Variants in P2RX3 observed in about 807,000 individuals in gnomAD.
P2RX3 encodes P2X purinoceptor 3.
A neutral mutation model predicts 51.5 loss-of-function variants in P2RX3; 41 were observed. That is an observed-to-expected ratio of 0.80 (90% CI 0.62 to 1.03). P2RX3 has a LOEUF of 1.03. Ranked by LOEUF, P2RX3 falls within the 50% of genes least tolerant of loss-of-function variation. P2RX3 has a pLI of 0.00. For missense variants in P2RX3, 459 were observed against 522.1 expected (o/e 0.88, Z 1.18); for synonymous variants, 185 against 191.6 (o/e 0.97, Z 0.29).
At chr11:57,366,759 G>A (rs970926436) in intron 8 of P2RX3, among the ~76,000 whole-genome samples, 1 of 152,140 alleles carries the variant, frequency 6.6e-6, no homozygotes, top group Non-Finnish European at 1.5e-5. Flanking sequence ...CTGCAGTCTC[G>A]GGCGCAGGGT....
intron 4 of P2RX3, 46 bp from the exon 5 acceptor site, chr11:57,348,124 G>C (rs763336487): frequency 4.0e-6 from 6 of 1,491,962 alleles, no homozygotes; most frequent in Non-Finnish European, 4.6e-6. Flanking sequence ...AAAGGGAGAG[G>C]AGCAAAGGGC....
At position 57,350,189 on chromosome 11, in the gene P2RX3, C is replaced by T. The variant is rs557427416; in HGVS notation, c.705+291C>T. The T allele has an allele frequency of 7.0e-6, 3 of 430,890 alleles. No individual in the cohort carries two copies. In the Admixed American group the frequency reaches 1.1e-4, roughly 15 times the overall value. The allele number at this position is 430,890 out of a possible 1,614,324, so 26.7% of individuals were successfully genotyped here. ...CCTTAGATCTGTAATAAGCCCCAAA[C>T]GACGGGAAAGTAGACCTGTGGCCAC... On this transcript the variant is annotated intron_variant, in intron 7 of 11. Coordinates refer to ENST00000263314, the MANE Select transcript of P2RX3 (RefSeq NM_002559.5).
intron 6 of P2RX3, 33 bp downstream of exon 6, chr11:57,348,737 G>T (rs1856489381): frequency 1.9e-6 from 3 of 1,548,806 alleles, no homozygotes; most frequent in Admixed American, 1.7e-5. Flanking sequence ...AAGCCAAGAT[G>T]CAGGCACCCC....
upstream of P2RX3, chr11:57,338,310 G>A: frequency 2.9e-6 from 1 of 342,536 alleles, no homozygotes; most frequent in South Asian, 7.2e-5. Flanking sequence ...ACAGGGGAGT[G>A]GAGTGGAGAC....
intron 1 of P2RX3, among the ~76,000 whole-genome samples, chr11:57,343,690 A>G (rs1327496865): frequency 1.3e-5 from 2 of 152,238 alleles, no homozygotes; most frequent in Admixed American, 1.3e-4. Context: ...GACGCAGGGC[A>G]GGGGCCTCAG....
intron 9 of P2RX3, 124 bp downstream of exon 9, chr11:57,368,226 G>A (rs956031382): frequency 1.5e-6 from 2 of 1,296,370 alleles, no homozygotes; most frequent in African/African-American, 2.9e-5. Context: ...ACCCTCAGTG[G>A]GTCACTCTCC....
At chr11:57,363,182 T>TATA (rs1554967774) in intron 8 of P2RX3, among the ~76,000 whole-genome samples, 1 of 152,214 alleles carries the variant, frequency 6.6e-6, no homozygotes, top group Admixed American at 6.5e-5. Context: ...ACTCCTGGGA[T>TATA]ATAGCATCAT....
At chr11:57,353,426 G>A (rs1441742666) in intron 8 of P2RX3, among the ~76,000 whole-genome samples, 3 of 152,172 alleles carry the variant, frequency 2.0e-5, no homozygotes, top group Non-Finnish European at 1.5e-5. Context: ...GCAAGCAAGA[G>A]GGGGAGCCTG....
Position 57,352,872 on chromosome 11 carries a change from A to G in P2RX3, c.842+1974A>G, listed in dbSNP as rs73472565. 8.4e-3 allele frequency among the ~76,000 whole-genome samples: 1,283 copies of G among 152,072 alleles called. 20 individuals carry two copies. Among genetic ancestry groups the G allele is most frequent in the African/African-American group, 0.029 (1,200 of 41,470 alleles). On this transcript the variant is annotated intron_variant, in intron 8 of 11. Transcript: ENST00000263314. ...CCCCTCTTAGGATCTCAGATAATTG[A>G]CTCCCCCAACAAAGTCCCCCAGGCC...
At position 57,368,015 on chromosome 11, in the gene P2RX3, CA is replaced by C. The variant is rs1320141576; in HGVS notation, c.851del (p.Lys284SerfsTer15). The stretch of plus-strand genomic sequence containing the variant: ...CTCTGCCTCTGACCTCCAGGTTTGC[CA>C]AGTACTACAAAATGGAAAATGGCAG... ...VSPGYNFRFAKYYKMENGSEY... is the reference protein window; with the variant it reads ...VSPGYNFRFAXYYKMENGSEY... On this transcript the variant is annotated frameshift_variant, in exon 9 of 12. Coordinates refer to ENST00000263314, the MANE Select transcript of P2RX3 (RefSeq NM_002559.5). LOFTEE classifies it high-confidence loss of function. The C allele has an allele frequency of 6.2e-7, 1 of 1,614,072 alleles. No individual in the cohort carries two copies. Among genetic ancestry groups the C allele is most frequent in the Non-Finnish European group, 8.5e-7 (1 of 1,179,950 alleles).
At chr11:57,347,073 T>C (rs1856449753) in intron 2 of P2RX3, 43 bp from the exon 3 acceptor site, 2 of 1,549,462 alleles carry the variant, frequency 1.3e-6, no homozygotes, top group African/African-American at 2.7e-5. Context: ...TCTCACTGAT[T>C]GGGACTGTTG....
chr11:57,359,469 T>C (rs1055799323), intron 8 of P2RX3, among the ~76,000 whole-genome samples: 1 of 152,256 alleles, frequency 6.6e-6, no homozygotes, highest in East Asian at 1.9e-4. Flanking sequence ...CAGTGGCCCT[T>C]CCAGCCACGC....
intron 8 of P2RX3, among the ~76,000 whole-genome samples, chr11:57,355,621 G>A (rs541027585): frequency 1.3e-5 from 2 of 152,270 alleles, no homozygotes; most frequent in Admixed American, 6.5e-5. Flanking sequence ...GATTATACGC[G>A]TGAGCTACCA....
In P2RX3 at chr11:57,372,362, CAG is replaced by C. The variant is rs1856901641; in HGVS notation, c.*2367_*2368del. Among the ~76,000 whole-genome samples, 1 of 152,134 alleles carries C rather than the reference CAG, an allele frequency of 6.6e-6. No individual in the cohort carries two copies. The highest frequency in any genetic ancestry group is 1.5e-5 in the Non-Finnish European group (1 of 68,014). On this transcript the variant is annotated 3_prime_UTR_variant, in exon 12 of 12. Coordinates refer to ENST00000263314, the MANE Select transcript of P2RX3 (RefSeq NM_002559.5). ...AACCCCCACTTTACAGAAGAAGAAACAGATGCATACTAAAATAAAGAAACTGA... is the reference window on the plus strand; with the variant it reads ...AACCCCCACTTTACAGAAGAAGAAACATGCATACTAAAATAAAGAAACTGA...
chr11:57,347,343 G>A, intron 3 of P2RX3, 72 bp from the exon 4 acceptor site: 1 of 1,522,468 alleles, frequency 6.6e-7, no homozygotes, highest in Non-Finnish European at 8.9e-7. Flanking sequence ...GTTATGGGGA[G>A]GTCGAGGGAG....
chr11:57,348,455 C>T, intron 5 of P2RX3, 172 bp from the exon 6 acceptor site: 1 of 704,732 alleles, frequency 1.4e-6, no homozygotes, highest in Non-Finnish European at 2.4e-6. Flanking sequence ...CCTCCTCCTG[C>T]TGTGACACTC....
chr11:57,350,050 GA>G, intron 7 of P2RX3, 152 bp downstream of exon 7: 1 of 1,266,020 alleles, frequency 7.9e-7, no homozygotes, highest in South Asian at 1.5e-5. Flanking sequence ...CTTTGTGCCT[GA>G]ATCCTTTCTG....
rs150261482 is a variant in P2RX3 at position 57,368,081 on chromosome 11, C to T, written c.915C>T (p.Phe305=). 1.9e-5 allele frequency: 30 copies of T among 1,614,128 alleles called. No individual in the cohort carries two copies. In the African/African-American group the frequency reaches 2.9e-4, roughly 16 times the overall value. ...RTLLKAFGIR[F]DVLVYGNAGK... ...TCCTGAAGGCTTTTGGCATCCGCTT[C>T]GACGTGCTGGTATACGGGAATGTGA... is the stretch of plus-strand genomic sequence containing the variant. Residue 305 remains phenylalanine, a synonymous_variant, in exon 9 of 12, where the codon TTC becomes TTT. Coordinates refer to ENST00000263314, the MANE Select transcript of P2RX3 (RefSeq NM_002559.5).
intron 8 of P2RX3, among the ~76,000 whole-genome samples, chr11:57,367,277 G>T (rs189330747): frequency 2.0e-5 from 3 of 152,328 alleles, no homozygotes; most frequent in Middle Eastern, 3.4e-3. Context: ...ACGTTGCACA[G>T]TCAGTAAGCG....
Sources: gnomAD v4.1 joint callset for allele counts (sites outside exome capture counted in the v4.1 genomes callset) on GRCh38, gnomAD v4.1.1 for gene constraint, MANE v1.5 for transcripts, NCBI Gene and HGNC (gene_info 2026-07-23, HGNC 2026-07-21) for gene names.